CRKL: variants seen among roughly 807,000 people sequenced by gnomAD.
CRKL encodes the protein CRK like proto-oncogene, adaptor protein.
CRKL carries 3 observed loss-of-function variants against 23.0 expected under a neutral mutation model. The ratio of observed to expected loss-of-function variants is 0.13; its 90% CI spans 0.06 to 0.34. CRKL has a LOEUF of 0.34. Ranked by LOEUF, CRKL falls within the 10% of genes least tolerant of loss-of-function variation. CRKL has a pLI of 1.00. For missense variants in CRKL, 256 were observed against 394.5 expected (o/e 0.65, Z 2.97); for synonymous variants, 188 against 160.7 (o/e 1.17, Z -1.28).
intron 1 of CRKL, 119 bp downstream of exon 1, chr22:20,918,364 A>G (rs1369420279): frequency 1.7e-6 from 2 of 1,165,700 alleles, no homozygotes; most frequent in African/African-American, 1.6e-5. Context: ...GAACCAAATT[A>G]TTTTCCAGAA....
In CRKL at chr22:20,952,719, C is replaced by A. The variant is rs527277305; in HGVS notation, c.*2874C>A. On this transcript the variant is annotated 3_prime_UTR_variant, in exon 3 of 3. Transcript: ENST00000354336. ...AATATTTGGATGTTAAATTAACTCA[C>A]TATGGTTTTTCACCTGGGAAGGAAA... The A allele has an allele frequency of 4.3e-6, 1 of 231,482 alleles. No homozygotes were observed. The highest frequency in any genetic ancestry group is 5.6e-5 in the Admixed American group (1 of 17,704). The allele number at this position is 231,482 out of a possible 1,614,324, so 14.3% of individuals were successfully genotyped here.
intron 2 of CRKL, among the ~76,000 whole-genome samples, chr22:20,948,909 A>T (rs1922167509): frequency 6.6e-6 from 1 of 152,210 alleles, no homozygotes; most frequent in African/African-American, 2.4e-5. Context: ...ACAGAACCTT[A>T]GATTAGTGCT....
chr22:20,917,940 C>T lies in CRKL; in HGVS notation c.6C>T (p.Ser2=), dbSNP rs1415831050. 1.2e-6 allele frequency: 2 copies of T among 1,613,420 alleles called. No individual in the cohort carries two copies. Among genetic ancestry groups the T allele is most frequent in the African/African-American group, 1.3e-5 (1 of 75,048 alleles). Residue 2 remains serine, a synonymous_variant, in exon 1 of 3, where the codon TCC becomes TCT. Coordinates refer to ENST00000354336, the MANE Select transcript of CRKL (RefSeq NM_005207.4). ...AGAGTCCCCGGTCCAACACCATGTC[C>T]TCCGCCAGGTTCGACTCCTCGGACC... is the stretch of plus-strand genomic sequence containing the variant. The part of the protein sequence containing the change: M[S]SARFDSSDRS...
intron 1 of CRKL, among the ~76,000 whole-genome samples, chr22:20,932,145 G>C (rs985786580): frequency 7.2e-5 from 11 of 151,994 alleles, no homozygotes; most frequent in Admixed American, 2.0e-4. Flanking sequence ...GTCTTGTTCT[G>C]TTGCCCAGGC....
chr22:20,946,041 G>A (rs924971922), intron 2 of CRKL, among the ~76,000 whole-genome samples: 1 of 152,198 alleles, frequency 6.6e-6, no homozygotes, highest in African/African-American at 2.4e-5. Context: ...AACTTCGCAG[G>A]ATGTTCTTTG....
chr22:20,918,592 C>CTTTT (rs66827795), intron 1 of CRKL, among the ~76,000 whole-genome samples: 3 of 89,340 alleles, frequency 3.4e-5, no homozygotes, highest in Non-Finnish European at 4.7e-5. Context: ...CTAAAAACCT[C>CTTTT]TTTTTTTTTT....
rs774096605 is a variant in CRKL at position 20,949,820 on chromosome 22, C to T, written c.887C>T (p.Pro296Leu). The change falls in exon 3 of 3, where the codon CCT becomes CTT. Residue 296 changes from proline to leucine, a missense_variant. Transcript: ENST00000354336. Reference protein sequence around the residue: ...FPFTHVKIFDPQNPDENE With the variant: ...FPFTHVKIFDLQNPDENE ...TTTACGCACGTCAAAATCTTTGACC[C>T]TCAAAACCCAGATGAAAACGAGTGA... The T allele has an allele frequency of 1.5e-5, 24 of 1,609,362 alleles. No individual in the cohort carries two copies. Among genetic ancestry groups the T allele is most frequent in the Non-Finnish European group, 2.0e-5 (23 of 1,178,320 alleles).
chr22:20,921,535 G>GTT (rs1920994608), intron 1 of CRKL, among the ~76,000 whole-genome samples: 2 of 28,598 alleles, frequency 7.0e-5, no homozygotes, highest in South Asian at 5.1e-3. Flanking sequence ...ACCTACCTGG[G>GTT]GTGGCGTGGT....
In CRKL at chr22:20,949,787, T is replaced by G; in HGVS notation, c.854T>G (p.Leu285Arg). Residue 285 changes from leucine (L) to arginine (R), a missense_variant, in exon 3 of 3, where the codon CTT (leucine) becomes CGT (arginine). By Grantham distance (102) the Leu-to-Arg change is moderately radical. This residue lies in a region of CRKL where 129 missense variants were observed against 222.1 expected (regional missense o/e 0.58). Coordinates refer to ENST00000354336, the MANE Select transcript of CRKL (RefSeq NM_005207.4). Reference sequence around the variant, plus strand: ...GGCGAAGTGAACGGGCGCAAAGGGCTTTTCCCCTTTACGCACGTCAAAATC... The same window carrying G: ...GGCGAAGTGAACGGGCGCAAAGGGCGTTTCCCCTTTACGCACGTCAAAATC... Reference protein sequence around the residue: ...WEGEVNGRKGLFPFTHVKIFD... With the variant: ...WEGEVNGRKGRFPFTHVKIFD... 1 of 1,612,346 alleles carries G rather than the reference T, an allele frequency of 6.2e-7. No homozygotes were observed. The highest frequency in any genetic ancestry group is 8.5e-7 in the Non-Finnish European group (1 of 1,179,336).
intron 1 of CRKL, among the ~76,000 whole-genome samples, chr22:20,926,850 G>A (rs940193431): frequency 9.2e-5 from 14 of 152,038 alleles, no homozygotes; most frequent in African/African-American, 3.1e-4. Context: ...GGTGGCTCAC[G>A]CCTGTAATCC....
chr22:20,935,771 C>T (rs1601680660), intron 2 of CRKL, among the ~76,000 whole-genome samples: 4 of 152,144 alleles, frequency 2.6e-5, no homozygotes, highest in South Asian at 2.1e-4. Context: ...GGTGACCCAC[C>T]CACCTTAGCC....
intron 1 of CRKL, among the ~76,000 whole-genome samples, chr22:20,933,098 C>T (rs936197546): frequency 8.2e-5 from 12 of 146,380 alleles, no homozygotes; most frequent in African/African-American, 2.8e-4. Flanking sequence ...AGGCTGGGCT[C>T]AGTGGCTCAC....
chr22:20,947,676 ATTTTTTTTT>A (rs59126952), intron 2 of CRKL, among the ~76,000 whole-genome samples: 2 of 90,528 alleles, frequency 2.2e-5, no homozygotes, highest in African/African-American at 4.4e-5. Context: ...TCTTTTTTTC[ATTTTTTTTT>A]TTTTTTTTTT....
At chr22:20,938,887 G>C (rs1018782278) in intron 2 of CRKL, among the ~76,000 whole-genome samples, 1 of 152,110 alleles carries the variant, frequency 6.6e-6, no homozygotes, top group African/African-American at 2.4e-5. Context: ...ACACAAGCTG[G>C]GGATCTGTGG....
chr22:20,947,675 C>CTTTTTTTT (rs1491297940), intron 2 of CRKL, among the ~76,000 whole-genome samples: 2 of 86,056 alleles, frequency 2.3e-5, no homozygotes, highest in African/African-American at 4.6e-5. Flanking sequence ...TTCTTTTTTT[C>CTTTTTTTT]ATTTTTTTTT....
intron 1 of CRKL, among the ~76,000 whole-genome samples, chr22:20,919,744 CT>C (rs1920970525): frequency 6.6e-6 from 1 of 151,782 alleles, no homozygotes; most frequent in Non-Finnish European, 1.5e-5. Context: ...ATGTTTATGA[CT>C]TTATGGATTT....
At chr22:20,919,839 T>C (rs755099609) in intron 1 of CRKL, among the ~76,000 whole-genome samples, 52 of 150,016 alleles carry the variant, frequency 3.5e-4, no homozygotes, top group East Asian at 9.8e-4. Flanking sequence ...GGGATAGAGA[T>C]AGAAAAAAAA....
chr22:20,937,302 C>A (rs999621546), intron 2 of CRKL, among the ~76,000 whole-genome samples: 4 of 151,904 alleles, frequency 2.6e-5, no homozygotes, highest in African/African-American at 9.7e-5. Context: ...ATTTTCACGT[C>A]CATCATAGCA....
chr22:20,943,483 A>G (rs1165578844), intron 2 of CRKL, among the ~76,000 whole-genome samples: 1 of 152,010 alleles, frequency 6.6e-6, no homozygotes, highest in Non-Finnish European at 1.5e-5. Flanking sequence ...GAGGTGATCC[A>G]CCTGCCTTGG....
Sources: allele counts gnomAD v4.1 joint callset (sites outside exome capture counted in the v4.1 genomes callset), GRCh38; gene constraint gnomAD v4.1.1; regional missense constraint gnomAD v4.1.1; transcripts MANE v1.5; gene names NCBI Gene and HGNC (gene_info 2026-07-23, HGNC 2026-07-21).